FSIP1: variants seen among roughly 807,000 people sequenced by gnomAD.
The protein encoded by FSIP1 is fibrous sheath-interacting protein 1.
Under a neutral mutation model 60.9 loss-of-function variants are expected in FSIP1, and 65 were observed. The ratio of observed to expected loss-of-function variants is 1.07; its 90% CI spans 0.87 to 1.31. The LOEUF (loss-of-function observed/expected upper bound fraction) is 1.31. Among genes scored for constraint, FSIP1 ranks in the 40% most tolerant of loss-of-function variants. The pLI is 0.00. For synonymous variants in FSIP1, 209 were observed against 221.2 expected, an observed-to-expected ratio of 0.94 and a Z score of 0.49; for missense variants, 675 against 665.5, an observed-to-expected ratio of 1.01 and a Z score of -0.16.
rs1303506007 is a variant in FSIP1, at chr15:39,618,453, A to T, written c.1189-208T>A. On this transcript the variant is annotated intron_variant, in intron 10 of 11. Transcript: ENST00000350221. ...CTTTGGTTGGTGTTTCTCTGACCCC[A>T]CCCATCCCTCAGCATGAATCCCACC... 2.6e-5 allele frequency among the ~76,000 whole-genome samples: 4 copies of T among 152,086 alleles called. No individual in the cohort carries two copies. In the South Asian group the frequency reaches 8.3e-4, roughly 31 times the overall value.
intron 10 of FSIP1, among the ~76,000 whole-genome samples, chr15:39,669,378 T>C (rs1286449796): frequency 2.0e-5 from 3 of 152,176 alleles, no homozygotes; most frequent in Non-Finnish European, 4.4e-5. Flanking sequence ...CTAATAAACA[T>C]CCTGTACCCC....
intron 2 of FSIP1, among the ~76,000 whole-genome samples, chr15:39,771,485 G>A (rs539975908): frequency 6.6e-6 from 1 of 152,348 alleles, no homozygotes; most frequent in South Asian, 2.1e-4. Context: ...ACAGTGCTGA[G>A]AATGAAACTG....
chr15:39,690,241 G>A (rs928463841), intron 10 of FSIP1, among the ~76,000 whole-genome samples: 4 of 152,154 alleles, frequency 2.6e-5, no homozygotes, highest in African/African-American at 9.7e-5. Flanking sequence ...TGGTTACAGG[G>A]CCATTATAGG....
At chr15:39,675,454 T>C (rs12906874) in intron 10 of FSIP1, among the ~76,000 whole-genome samples, 4,859 of 152,250 alleles carry the variant, frequency 0.032, 97 homozygotes, top group Middle Eastern at 0.065. Context: ...AAATGTCTAT[T>C]TGAGAAAATG....
chr15:39,753,604 A>G (rs900590408), intron 5 of FSIP1, among the ~76,000 whole-genome samples: 1 of 152,122 alleles, frequency 6.6e-6, no homozygotes, highest in African/African-American at 2.4e-5. Flanking sequence ...AAAACATTAA[A>G]TATGTTGGAC....
chr15:39,643,184 GA>G (rs1384796257), intron 10 of FSIP1, among the ~76,000 whole-genome samples: 6 of 151,770 alleles, frequency 4.0e-5, no homozygotes, highest in Admixed American at 6.6e-5. Context: ...AAGATAAAAG[GA>G]AAAAAAGGAA....
chr15:39,741,172 TA>T lies in FSIP1; in HGVS notation c.655+632del, dbSNP rs997016328. ...ATATACTCTTAACCAATACAACATT[TA>T]AAAAATACAAACTGAATGCAGCCAT... On this transcript the variant is annotated intron_variant, in intron 6 of 11. Transcript: ENST00000350221. Among the ~76,000 whole-genome samples, 6 of 152,330 alleles carry T rather than the reference TA, an allele frequency of 3.9e-5. 1 individual carries two copies. Among genetic ancestry groups the T allele is most frequent in the Admixed American group, 1.3e-4 (2 of 15,302 alleles).
intron 5 of FSIP1, among the ~76,000 whole-genome samples, chr15:39,758,359 T>C (rs568832734): frequency 1.3e-3 from 205 of 152,170 alleles, no homozygotes; most frequent in African/African-American, 4.6e-3. Flanking sequence ...TTACATTGCT[T>C]GCTCCAGAGT....
chr15:39,751,118 A>G (rs1026417778), intron 5 of FSIP1, among the ~76,000 whole-genome samples: 2 of 151,978 alleles, frequency 1.3e-5, no homozygotes, highest in African/African-American at 4.8e-5. Context: ...ACAGGAGATA[A>G]CAACTATTGG....
intron 1 of FSIP1, among the ~76,000 whole-genome samples, chr15:39,777,777 C>T (rs1165164500): frequency 5.3e-5 from 8 of 152,182 alleles, no homozygotes; most frequent in Admixed American, 1.3e-4. Context: ...TCCTAAATTC[C>T]TATCAATTAT....
intron 8 of FSIP1, 95 bp downstream of exon 8, chr15:39,737,996 G>A (rs570422345): frequency 1.6e-4 from 123 of 751,318 alleles, no homozygotes; most frequent in Middle Eastern, 2.6e-4. Flanking sequence ...CTCAGAATCC[G>A]AAAAATTATT....
At chr15:39,627,450 A>G (rs1891688442) in intron 10 of FSIP1, among the ~76,000 whole-genome samples, 1 of 152,236 alleles carries the variant, frequency 6.6e-6, no homozygotes, top group Admixed American at 6.5e-5. Context: ...TGTACAAACC[A>G]GAAGTGCAAG....
chr15:39,625,150 T>A (rs1034171605), intron 10 of FSIP1, among the ~76,000 whole-genome samples: 1 of 152,186 alleles, frequency 6.6e-6, no homozygotes, highest in Non-Finnish European at 1.5e-5. Context: ...GCTTGCCTTA[T>A]GGGTTTGCCT....
chr15:39,769,703 A>C (rs1897817602), intron 3 of FSIP1, among the ~76,000 whole-genome samples: 1 of 152,228 alleles, frequency 6.6e-6, no homozygotes, highest in African/African-American at 2.4e-5. Context: ...TTACTGATTC[A>C]TAGCCAGTGA....
intron 10 of FSIP1, among the ~76,000 whole-genome samples, chr15:39,712,123 C>T (rs1169986435): frequency 2.0e-5 from 3 of 152,116 alleles, no homozygotes; most frequent in African/African-American, 7.2e-5. Context: ...ATAAAAAAAG[C>T]ACGATGTATT....
intron 8 of FSIP1, 101 bp downstream of exon 8, chr15:39,737,990 G>T: frequency 1.4e-6 from 1 of 704,920 alleles, no homozygotes; most frequent in Non-Finnish European, 2.2e-6. Flanking sequence ...TAATGTCTCA[G>T]AATCCGAAAA....
intron 5 of FSIP1, among the ~76,000 whole-genome samples, chr15:39,757,505 A>G (rs1897335475): frequency 6.6e-6 from 1 of 152,180 alleles, no homozygotes; most frequent in South Asian, 2.1e-4. Flanking sequence ...ATAAGGTAAT[A>G]GTTATGTAGT....
At chr15:39,632,041 T>C (rs973334562) in intron 10 of FSIP1, among the ~76,000 whole-genome samples, 6 of 152,240 alleles carry the variant, frequency 3.9e-5, no homozygotes, top group Non-Finnish European at 7.3e-5. Context: ...AATGGAATTA[T>C]GGATTATATA....
chr15:39,782,840 A>T lies in FSIP1; in HGVS notation c.-220T>A, dbSNP rs1347773733. 1 of 152,362 alleles carries T rather than the reference A, an allele frequency of 6.6e-6. No individual in the cohort carries two copies. The highest frequency in any genetic ancestry group is 2.4e-5 in the African/African-American group (1 of 41,436). 9.4% of individuals were successfully genotyped at this position (152,362 alleles called of 1,614,324 possible). ...TGTTTCCCTGGCAACCAGATGCGCG[A>T]TGCTTCCGGTCTCGCGATAGCGGAA... On this transcript the variant is annotated 5_prime_UTR_variant, in exon 1 of 12. Coordinates refer to ENST00000350221, the MANE Select transcript of FSIP1 (RefSeq NM_152597.5).
Sources: gnomAD v4.1 joint callset for allele counts (sites outside exome capture counted in the v4.1 genomes callset) on GRCh38, gnomAD v4.1.1 for gene constraint, MANE v1.5 for transcripts, NCBI Gene and HGNC (gene_info 2026-07-23, HGNC 2026-07-21) for gene names.